Variants in MTX2 observed in about 807,000 individuals in gnomAD.
The protein encoded by MTX2 is metaxin 2.
MTX2 carries 35 observed loss-of-function variants against 42.3 expected under a neutral mutation model. The ratio of observed to expected loss-of-function variants is 0.83; its 90% CI spans 0.63 to 1.10. The LOEUF (loss-of-function observed/expected upper bound fraction) is 1.10. Among genes scored for constraint, MTX2 ranks in the 50% least tolerant of loss-of-function variants. MTX2 has a pLI of 0.00. For synonymous variants in MTX2, 119 were observed against 100.9 expected (o/e 1.18, Z -1.08); for missense variants, 307 against 304.1 (o/e 1.01, Z -0.07).
intron 3 of MTX2, among the ~76,000 whole-genome samples, chr2:176,303,493 T>A (rs1462801370): frequency 4.6e-5 from 7 of 152,098 alleles, no homozygotes. Flanking sequence ...TGAGTTTAAA[T>A]TCTTCAGACT....
intron 4 of MTX2, among the ~76,000 whole-genome samples, 190 bp downstream of exon 4, chr2:176,323,654 C>T (rs1684638605): frequency 6.6e-6 from 1 of 151,654 alleles, no homozygotes; most frequent in Admixed American, 6.6e-5. Flanking sequence ...TTCATTTCAA[C>T]TGTGATCAGA....
chr2:176,314,993 A>G (rs1171448694), intron 3 of MTX2, among the ~76,000 whole-genome samples: 4 of 152,196 alleles, frequency 2.6e-5, no homozygotes, highest in African/African-American at 9.7e-5. Flanking sequence ...AGGAAGTGCT[A>G]ACAGATAGTA....
chr2:176,329,899 A>G (rs561224099), intron 8 of MTX2, among the ~76,000 whole-genome samples: 26 of 150,250 alleles, frequency 1.7e-4, no homozygotes, highest in South Asian at 1.3e-3. Flanking sequence ...CTGTCTATCT[A>G]TCTGTCTATC....
chr2:176,329,251 G>T, intron 7 of MTX2, 50 bp from the exon 8 acceptor site: 1 of 1,526,144 alleles, frequency 6.6e-7, no homozygotes, highest in South Asian at 1.3e-5. Flanking sequence ...GTAAAAACGG[G>T]CATTGTTTTT....
At chr2:176,270,976 GAAA>G (rs960547992) in intron 1 of MTX2, among the ~76,000 whole-genome samples, 1 of 148,784 alleles carries the variant, frequency 6.7e-6, no homozygotes, top group Non-Finnish European at 1.5e-5. Flanking sequence ...CTACTATGTT[GAAA>G]AAAAAAACTT....
At chr2:176,277,583 G>A (rs1261148205) in intron 1 of MTX2, among the ~76,000 whole-genome samples, 1 of 152,008 alleles carries the variant, frequency 6.6e-6, no homozygotes, top group Admixed American at 6.6e-5. Context: ...TGTATTTTTA[G>A]TAGAGACCGG....
chr2:176,281,937 T>C (rs1173149545), intron 1 of MTX2, among the ~76,000 whole-genome samples: 2 of 152,072 alleles, frequency 1.3e-5, no homozygotes, highest in Admixed American at 6.6e-5. Flanking sequence ...AGATTGAGGA[T>C]GGAGATAAGA....
chr2:176,309,495 T>C (rs936684421), intron 3 of MTX2, among the ~76,000 whole-genome samples: 12 of 152,156 alleles, frequency 7.9e-5, no homozygotes, highest in African/African-American at 2.7e-4. Flanking sequence ...AGTGGGGTGT[T>C]AAAGTATCCC....
intron 1 of MTX2, among the ~76,000 whole-genome samples, chr2:176,278,236 A>G (rs1033643879): frequency 6.6e-6 from 1 of 151,722 alleles, no homozygotes; most frequent in African/African-American, 2.4e-5. Context: ...TTTTCAGTAA[A>G]GACGGGGTTT....
At chr2:176,273,120 G>A (rs750628007) in intron 1 of MTX2, among the ~76,000 whole-genome samples, 1 of 152,180 alleles carries the variant, frequency 6.6e-6, no homozygotes, top group Non-Finnish European at 1.5e-5. Flanking sequence ...TGAGAGGGCT[G>A]AACTTGCTTT....
intron 1 of MTX2, among the ~76,000 whole-genome samples, chr2:176,284,813 A>G (rs1032032992): frequency 1.3e-5 from 2 of 152,218 alleles, no homozygotes; most frequent in South Asian, 2.1e-4. Flanking sequence ...ACATAATCTT[A>G]TCTCAAGTGC....
chr2:176,274,559 CACAT>C (rs1199032609), intron 1 of MTX2, among the ~76,000 whole-genome samples: 1 of 152,144 alleles, frequency 6.6e-6, no homozygotes, highest in Non-Finnish European at 1.5e-5. Flanking sequence ...GCCACACACA[CACAT>C]GCATGTATGT....
intron 6 of MTX2, 79 bp downstream of exon 6, chr2:176,328,464 A>G: frequency 1.1e-6 from 1 of 925,122 alleles, no homozygotes; most frequent in Non-Finnish European, 1.5e-6. Context: ...TATGGGTTAA[A>G]GTTATTGAGA....
intron 1 of MTX2, among the ~76,000 whole-genome samples, chr2:176,274,251 C>A (rs1692893177): frequency 6.6e-6 from 1 of 151,934 alleles, no homozygotes; most frequent in Non-Finnish European, 1.5e-5. Flanking sequence ...CTTTAAAATT[C>A]CATCCATCAT....
intron 3 of MTX2, among the ~76,000 whole-genome samples, chr2:176,299,219 A>T (rs538730652): frequency 1.1e-4 from 16 of 152,056 alleles, no homozygotes; most frequent in Non-Finnish European, 1.3e-4. Flanking sequence ...TGCTGCTAAA[A>T]ATCCTAAAAC....
At chr2:176,281,499 A>G (rs1693076662) in intron 1 of MTX2, among the ~76,000 whole-genome samples, 1 of 152,168 alleles carries the variant, frequency 6.6e-6, no homozygotes. Flanking sequence ...AGTGCACCAC[A>G]TACAAGTGCC....
intron 1 of MTX2, among the ~76,000 whole-genome samples, chr2:176,285,474 C>T (rs1030537243): frequency 2.1e-5 from 3 of 140,090 alleles, no homozygotes; most frequent in Non-Finnish European, 4.6e-5. Flanking sequence ...CACAGTCTAA[C>T]AGTAGGTTTC....
chr2:176,334,188 T>C (rs1684934122), intron 9 of MTX2, among the ~76,000 whole-genome samples: 1 of 151,792 alleles, frequency 6.6e-6, no homozygotes. Flanking sequence ...GCACTCTCAT[T>C]TGAGCATACA....
chr2:176,285,094 T>C (rs1693163733), intron 1 of MTX2, among the ~76,000 whole-genome samples: 1 of 152,242 alleles, frequency 6.6e-6, no homozygotes, highest in African/African-American at 2.4e-5. Flanking sequence ...TTAGCTAATT[T>C]AGTTGTGTGT....
Sources: allele counts gnomAD v4.1 joint callset (sites outside exome capture counted in the v4.1 genomes callset), GRCh38; gene constraint gnomAD v4.1.1; transcripts MANE v1.5; gene names NCBI Gene and HGNC (gene_info 2026-07-23, HGNC 2026-07-21).